ADD1: variants seen among roughly 807,000 people sequenced by gnomAD.
The protein encoded by ADD1 is adducin 1.
A neutral mutation model predicts 80.5 loss-of-function variants in ADD1; 24 were observed. That is an observed-to-expected ratio of 0.30 (90% CI 0.22 to 0.42). The LOEUF (loss-of-function observed/expected upper bound fraction) is 0.42. ADD1 is among the 10% of genes least tolerant of loss of function. The probability of loss-of-function intolerance (pLI) is 1.00; values close to 1 mark genes in which losing one functional copy is unlikely to be tolerated. For synonymous variants in ADD1, 373 were observed against 393.8 expected, an observed-to-expected ratio of 0.95 and a Z score of 0.63; for missense variants, 948 against 1,019.0, an observed-to-expected ratio of 0.93 and a Z score of 0.95.
In ADD1 at chr4:2,928,945, C is replaced by G. The variant is rs1289023700; in HGVS notation, c.*422C>G. ...TAAAGTCTCAGGTGACGGACTCAGACTCCTGGCTTCATGTGGCATTCTCTC... is the reference window on the plus strand; with the variant it reads ...TAAAGTCTCAGGTGACGGACTCAGAGTCCTGGCTTCATGTGGCATTCTCTC... On this transcript the variant is annotated 3_prime_UTR_variant, in exon 16 of 16. Transcript: ENST00000683351. The G allele has an allele frequency of 5.3e-6, 1 of 188,242 alleles. No individual in the cohort carries two copies. The highest frequency in any genetic ancestry group is 1.8e-4 in the East Asian group (1 of 5,594). The allele number at this position is 188,242 out of a possible 1,614,324, so 11.7% of individuals were successfully genotyped here.
At position 2,881,998 on chromosome 4, in the gene ADD1, C is replaced by A. The variant is rs772637954; in HGVS notation, c.296C>A (p.Thr99Asn). 6.2e-7 allele frequency: 1 copy of A among 1,613,074 alleles called. No individual in the cohort carries two copies. The highest frequency in any genetic ancestry group is 8.5e-7 in the Non-Finnish European group (1 of 1,179,752). ...LALQQIADFM[T>N]TNVPNVYPAA... Reference sequence around the variant, plus strand: ...TTACAGCAGATTGCAGATTTTATGACCACGAATGTACCAAATGTCTACCCA... The same window carrying A: ...TTACAGCAGATTGCAGATTTTATGAACACGAATGTACCAAATGTCTACCCA... Residue 99 changes from threonine (T) to asparagine (N), a missense_variant, in exon 3 of 16, where the codon ACC (threonine) becomes AAC (asparagine). Thr to Asn is a moderately conservative substitution (Grantham distance 65). Coordinates refer to ENST00000683351, the MANE Select transcript of ADD1 (RefSeq NM_001354761.2).
chr4:2,876,976 T>C (rs1731438143), intron 2 of ADD1, among the ~76,000 whole-genome samples: 1 of 142,430 alleles, frequency 7.0e-6, no homozygotes, highest in African/African-American at 2.7e-5. Context: ...CACTCCAGCC[T>C]GGGCAACAGA....
chr4:2,912,554 C>T (rs1341122067), intron 13 of ADD1, among the ~76,000 whole-genome samples: 1 of 108,104 alleles, frequency 9.3e-6, no homozygotes, highest in Non-Finnish European at 2.0e-5. Flanking sequence ...TTTGAGACAG[C>T]ATCTTACTCT....
At chr4:2,898,885 G>T (rs1735705821) in intron 8 of ADD1, 1 of 385,490 alleles carries the variant, frequency 2.6e-6, no homozygotes. Flanking sequence ...GTATACAGAA[G>T]TAGAGACTCA....
Position 2,926,473 on chromosome 4 carries a change from C to T in ADD1, c.2047+361C>T, listed in dbSNP as rs1711650395. The T allele has an allele frequency of 4.0e-6, 3 of 748,508 alleles. No homozygotes were observed. The highest frequency in any genetic ancestry group is 6.9e-6 in the Non-Finnish European group (3 of 434,986). The allele number at this position is 748,508 out of a possible 1,614,324, so 46.4% of individuals were successfully genotyped here. ...CACACGCCGGCTGCCTCTCAGCCAC[C>T]GTGTGTCTGTGGTGTGTGATCCCGG... is the stretch of plus-strand genomic sequence containing the variant. On this transcript the variant is annotated intron_variant, in intron 15 of 15. Transcript: ENST00000683351. This position sits in a 1 kb window ranked among gnomAD's most constrained non-coding sequence, Gnocchi z 5.0.
chr4:2,868,776 G>A (rs751131141), intron 1 of ADD1, among the ~76,000 whole-genome samples: 2 of 152,122 alleles, frequency 1.3e-5, no homozygotes, highest in Admixed American at 6.6e-5. Context: ...TTTGAAAGTG[G>A]CCATGGGAGA....
rs1174802180 is a variant in ADD1 at position 2,912,941 on chromosome 4, T to C, written c.1792-1943T>C. 3.3e-5 allele frequency among the ~76,000 whole-genome samples: 5 copies of C among 152,198 alleles called. No individual in the cohort carries two copies. In the South Asian group the frequency reaches 1.0e-3, roughly 32 times the overall value. ...CTCACCTCAACCTCCGCCTCCCACG[T>C]TCAGGTGATTCCTTTGCCTCAGCTT... On this transcript the variant is annotated intron_variant, in intron 13 of 15. Transcript: ENST00000683351.
At chr4:2,874,141 A>C (rs1318412804) in intron 1 of ADD1, among the ~76,000 whole-genome samples, 1 of 152,146 alleles carries the variant, frequency 6.6e-6, no homozygotes, top group South Asian at 2.1e-4. Context: ...TTGAGAGCCC[A>C]CAAGTTCCAG....
chr4:2,924,335 C>T (rs73794824), intron 14 of ADD1, among the ~76,000 whole-genome samples: 1,883 of 152,328 alleles, frequency 0.012, 36 homozygotes, highest in African/African-American at 0.042. Context: ...AGCTGCTTTT[C>T]CCCCAAGCTC....
chr4:2,915,837 A>G (rs963170291), intron 14 of ADD1, among the ~76,000 whole-genome samples: 6 of 152,142 alleles, frequency 3.9e-5, no homozygotes, highest in Non-Finnish European at 8.8e-5. Context: ...AGTTAGGCAC[A>G]CTTGTGAGTG....
chr4:2,865,690 C>T (rs992293987), intron 1 of ADD1, among the ~76,000 whole-genome samples: 1 of 152,128 alleles, frequency 6.6e-6, no homozygotes, highest in African/African-American at 2.4e-5. Flanking sequence ...CTTCCCCCTG[C>T]TCCAGAAAAA....
chr4:2,893,719 T>C (rs1272258058), intron 4 of ADD1, among the ~76,000 whole-genome samples: 1 of 152,090 alleles, frequency 6.6e-6, no homozygotes, highest in Non-Finnish European at 1.5e-5. Context: ...TGTGACAGAG[T>C]AACCCAGCAG....
chr4:2,873,761 C>G (rs1577503122), intron 1 of ADD1, among the ~76,000 whole-genome samples: 1 of 152,162 alleles, frequency 6.6e-6, no homozygotes, highest in Non-Finnish European at 1.5e-5. Context: ...ATTATTGGCT[C>G]AGAATGTTCA....
chr4:2,899,622 A>G (rs2071695), intron 9 of ADD1, 187 bp downstream of exon 9: 141,350 of 672,740 alleles, frequency 0.21, 16,950 homozygotes, highest in East Asian at 0.51. Flanking sequence ...GAGGTGAAGG[A>G]TTCCTGGTAT....
intron 1 of ADD1, among the ~76,000 whole-genome samples, chr4:2,867,159 C>T (rs987579823): frequency 1.3e-5 from 2 of 152,138 alleles, no homozygotes; most frequent in Admixed American, 6.5e-5. Flanking sequence ...TTGGAATTAA[C>T]GAGTGTGTGT....
intron 1 of ADD1, among the ~76,000 whole-genome samples, chr4:2,862,461 G>T (rs1461949222): frequency 6.6e-6 from 1 of 152,156 alleles, no homozygotes; most frequent in Admixed American, 6.5e-5. Context: ...TTAAAGAAAG[G>T]AGATGATAAA....
At chr4:2,909,105 T>C (rs976802269) in intron 12 of ADD1, 17 of 557,350 alleles carry the variant, frequency 3.1e-5, no homozygotes, top group Non-Finnish European at 5.5e-5. Flanking sequence ...TGAAAACTAA[T>C]ATGCCACCTA....
intron 9 of ADD1, chr4:2,902,338 G>A (rs1480100203): frequency 1.3e-5 from 2 of 152,148 alleles, no homozygotes; most frequent in Non-Finnish European, 2.9e-5. Context: ...AACAAAGCAT[G>A]CTCAGAAATG....
At chr4:2,919,086 G>T (rs1202222876) in intron 14 of ADD1, among the ~76,000 whole-genome samples, 2 of 152,144 alleles carry the variant, frequency 1.3e-5, no homozygotes, top group East Asian at 3.9e-4. Flanking sequence ...TGATCCACCT[G>T]CCTCAGCCTC....
Sources: gnomAD v4.1 joint callset for allele counts (sites outside exome capture counted in the v4.1 genomes callset) on GRCh38, gnomAD v4.1.1 for gene constraint, Gnocchi (gnomAD v3.1) non-coding constraint, MANE v1.5 for transcripts, NCBI Gene and HGNC (gene_info 2026-07-23, HGNC 2026-07-21) for gene names.